Variants in CAMTA1 observed in about 807,000 individuals in gnomAD.
The protein encoded by CAMTA1 is calmodulin binding transcription activator 1, also known as calmodulin-binding transcription activator 1.
In CAMTA1, 27 loss-of-function variants were observed where a neutral mutation model predicts 170.9. The ratio of observed to expected loss-of-function variants is 0.16; its 90% CI spans 0.12 to 0.22. The LOEUF is 0.22. Among genes scored for constraint, CAMTA1 ranks in the 10% least tolerant of loss-of-function variants. The probability of loss-of-function intolerance (pLI) is 1.00; values close to 1 mark genes in which losing one functional copy is unlikely to be tolerated. For synonymous variants in CAMTA1, 833 were observed against 891.5 expected (o/e 0.93, Z 1.17); for missense variants, 1,619 against 2,217.2 (o/e 0.73, Z 5.42).
intron 3 of CAMTA1, among the ~76,000 whole-genome samples, chr1:7,073,495 A>G (rs141510592): frequency 1.0e-3 from 152 of 152,060 alleles, no homozygotes; most frequent in Middle Eastern, 3.4e-3. Flanking sequence ...CCCAGGGGAG[A>G]TTTGGGGCAA....
At chr1:7,730,731 A>C (rs1424158976) in intron 11 of CAMTA1, among the ~76,000 whole-genome samples, 1 of 152,062 alleles carries the variant, frequency 6.6e-6, no homozygotes, top group Admixed American at 6.6e-5. Context: ...CCCCGTCTCT[A>C]CTAAAAATAC....
At chr1:6,927,708 T>G (rs1683592318) in intron 3 of CAMTA1, among the ~76,000 whole-genome samples, 1 of 152,230 alleles carries the variant, frequency 6.6e-6, no homozygotes, top group Non-Finnish European at 1.5e-5. Context: ...AACTGTCCAC[T>G]GCCTCAAGCT....
intron 1 of CAMTA1, among the ~76,000 whole-genome samples, chr1:6,803,383 C>G (rs1644121705): frequency 6.6e-6 from 1 of 152,190 alleles, no homozygotes; most frequent in South Asian, 2.1e-4. Context: ...CAGTCCTTCA[C>G]CTTTTCCTTA....
At chr1:7,413,702 A>G (rs1407057962) in intron 5 of CAMTA1, among the ~76,000 whole-genome samples, 3 of 152,228 alleles carry the variant, frequency 2.0e-5, no homozygotes, top group African/African-American at 7.2e-5. Context: ...TCATCTGCAA[A>G]CAAGGACAAT....
At chr1:7,638,393 C>A (rs935901028) in intron 6 of CAMTA1, among the ~76,000 whole-genome samples, 1 of 152,196 alleles carries the variant, frequency 6.6e-6, no homozygotes, top group African/African-American at 2.4e-5. Flanking sequence ...GTAATCCCAG[C>A]AGTTTGGGAG....
intron 3 of CAMTA1, among the ~76,000 whole-genome samples, chr1:6,996,745 C>CTTCTTTCT (rs1697323354): frequency 1.3e-5 from 2 of 152,050 alleles, no homozygotes; most frequent in African/African-American, 4.8e-5. Context: ...GAAACTTACC[C>CTTCTTTCT]AGTCTTATTC....
chr1:6,925,688 GC>G (rs1420235228), intron 3 of CAMTA1, among the ~76,000 whole-genome samples: 1 of 152,174 alleles, frequency 6.6e-6, no homozygotes, highest in Non-Finnish European at 1.5e-5. Context: ...GGAGCAACTA[GC>G]CCCGTGGAGA....
At chr1:7,579,806 AG>A (rs1227467663) in intron 6 of CAMTA1, among the ~76,000 whole-genome samples, 13 of 151,946 alleles carry the variant, frequency 8.6e-5, no homozygotes, top group African/African-American at 3.1e-4. Flanking sequence ...GCAATCCACC[AG>A]CCTCGGCTTC....
chr1:6,867,009 C>T (rs893295888), intron 3 of CAMTA1, among the ~76,000 whole-genome samples: 3 of 152,216 alleles, frequency 2.0e-5, no homozygotes, highest in Non-Finnish European at 4.4e-5. Flanking sequence ...GCCTAAAGCA[C>T]GCGGAGAGGG....
Position 7,747,761 on chromosome 1 carries a change from TG to T in CAMTA1, c.4670del (p.Cys1557PhefsTer14). 6.2e-7 allele frequency: 1 copy of T among 1,612,794 alleles called. No individual in the cohort carries two copies. The highest frequency in any genetic ancestry group is 2.2e-5 in the East Asian group (1 of 44,794). On this transcript the variant is annotated frameshift_variant, in exon 19 of 23. Coordinates refer to ENST00000303635, the MANE Select transcript of CAMTA1 (RefSeq NM_015215.4). LOFTEE classifies it high-confidence loss of function. The stretch of plus-strand genomic sequence containing the variant: ...AGTAGCTGCTGCTGTTATTCAGCGT[TG>T]TTACAGAAAATATAAACAGGTAAAC... ...QEVAAAVIQR[C>X]YRKYKQYALY... is the part of the protein sequence containing the mutation.
At chr1:7,303,310 A>G (rs1675073117) in intron 5 of CAMTA1, among the ~76,000 whole-genome samples, 1 of 152,250 alleles carries the variant, frequency 6.6e-6, no homozygotes, top group South Asian at 2.1e-4. Flanking sequence ...CAATACAGAA[A>G]TATCTTGTCT....
At chr1:7,289,763 A>T (rs1672857996) in intron 5 of CAMTA1, among the ~76,000 whole-genome samples, 1 of 152,172 alleles carries the variant, frequency 6.6e-6, no homozygotes, top group Admixed American at 6.5e-5. Context: ...CTGCGTGAAG[A>T]CAGAGATAGA....
intron 5 of CAMTA1, among the ~76,000 whole-genome samples, chr1:7,419,202 G>T (rs1011943983): frequency 4.0e-5 from 1 of 25,146 alleles, no homozygotes; most frequent in African/African-American, 1.1e-4. Flanking sequence ...TGTTGCCCAG[G>T]CTGGAATGCA....
At chr1:7,550,556 CCTCCTACCTGGCCCT>C (rs1476706500) in intron 6 of CAMTA1, among the ~76,000 whole-genome samples, 2 of 151,658 alleles carry the variant, frequency 1.3e-5, no homozygotes, top group Non-Finnish European at 2.9e-5. Flanking sequence ...CACCTGGGCC[CCTCCTACCTGGCCCT>C]CTCCTACCTG....
At chr1:7,060,579 C>T (rs558766030) in intron 3 of CAMTA1, among the ~76,000 whole-genome samples, 2 of 152,312 alleles carry the variant, frequency 1.3e-5, no homozygotes, top group Admixed American at 6.5e-5. Flanking sequence ...GGCGGGGTCC[C>T]CTTAGGGTGG....
At chr1:7,566,876 C>T (rs1041600494) in intron 6 of CAMTA1, among the ~76,000 whole-genome samples, 1 of 152,236 alleles carries the variant, frequency 6.6e-6, no homozygotes, top group African/African-American at 2.4e-5. Flanking sequence ...CTCCCGAGCA[C>T]CCCCTCTGTG....
rs1318229715 is a variant in CAMTA1 at position 7,704,301 on chromosome 1, G to T, written c.2914+26568G>T. Among the ~76,000 whole-genome samples the T allele has an allele frequency of 2.7e-5, 4 of 145,716 alleles. No individual in the cohort carries two copies. The East Asian group carries it at 8.0e-4, about 29-fold the overall frequency. ...GGGGCGGCCCCGCGGGAAGGGGAAC[G>T]GGAGGCCCGCGCGGGGCTCCGGGGG... On this transcript the variant is annotated intron_variant, in intron 11 of 22. Coordinates refer to ENST00000303635, the MANE Select transcript of CAMTA1 (RefSeq NM_015215.4).
chr1:7,239,832 C>T (rs114699405), intron 4 of CAMTA1, among the ~76,000 whole-genome samples: 1,929 of 151,050 alleles, frequency 0.013, 24 homozygotes, highest in Non-Finnish European at 0.022. Flanking sequence ...TACATCATCG[C>T]GTGGTGGAAG....
At chr1:7,550,454 C>T (rs368802917) in intron 6 of CAMTA1, among the ~76,000 whole-genome samples, 27 of 152,090 alleles carry the variant, frequency 1.8e-4, no homozygotes, top group African/African-American at 6.3e-4. Flanking sequence ...CCGGCTTTCT[C>T]CCACCTGGAC....
Sources: gnomAD v4.1 joint callset for allele counts (sites outside exome capture counted in the v4.1 genomes callset) on GRCh38, gnomAD v4.1.1 for gene constraint, MANE v1.5 for transcripts, NCBI Gene and HGNC (gene_info 2026-07-23, HGNC 2026-07-21) for gene names.